ZNF804A: variants seen among roughly 807,000 people sequenced by gnomAD.
ZNF804A encodes the protein zinc finger protein 804A.
ZNF804A carries 2 observed loss-of-function variants against 16.5 expected under a neutral mutation model. The ratio of observed to expected loss-of-function variants is 0.12; its 90% CI spans 0.05 to 0.38. The LOEUF is 0.38. ZNF804A is among the 10% of genes least tolerant of loss of function. The pLI, the probability that ZNF804A is intolerant of heterozygous loss-of-function variation, is 0.99. For synonymous variants in ZNF804A, 534 were observed against 489.6 expected (o/e 1.09, Z -1.20); for missense variants, 1,473 against 1,390.7 (o/e 1.06, Z -0.94).
At chr2:184,607,631 C>G (rs990618710) in intron 1 of ZNF804A, among the ~76,000 whole-genome samples, 3 of 151,936 alleles carry the variant, frequency 2.0e-5, no homozygotes, top group Non-Finnish European at 4.4e-5. Flanking sequence ...AACTACAATT[C>G]AAGATGAGAT....
At chr2:184,731,638 T>A (rs970108119) in intron 1 of ZNF804A, among the ~76,000 whole-genome samples, 61 of 148,596 alleles carry the variant, frequency 4.1e-4, no homozygotes, top group Middle Eastern at 3.5e-3. Flanking sequence ...GGTACAATCA[T>A]GTCTCACTGC....
chr2:184,906,665 C>G (rs1574265729), intron 2 of ZNF804A, among the ~76,000 whole-genome samples: 1 of 151,996 alleles, frequency 6.6e-6, no homozygotes, highest in Admixed American at 6.6e-5. Context: ...AGATGGCCAT[C>G]AAGATTACCA....
chr2:184,726,180 T>C lies in ZNF804A; in HGVS notation c.111+127110T>C, dbSNP rs572860242. ...AGTGCAATTGCTAGATTGTATGCTA[T>C]GCGTATTTCTAGAGTTTTAAGAATC... On this transcript the variant is annotated intron_variant, in intron 1 of 3. Coordinates refer to ENST00000302277, the MANE Select transcript of ZNF804A (RefSeq NM_194250.2). 2.0e-5 allele frequency among the ~76,000 whole-genome samples: 3 copies of C among 151,792 alleles called. No individual in the cohort carries two copies. The East Asian group carries it at 5.8e-4, about 29-fold the overall frequency.
intron 1 of ZNF804A, among the ~76,000 whole-genome samples, chr2:184,670,353 A>C (rs903496083): frequency 3.3e-5 from 5 of 152,100 alleles, no homozygotes; most frequent in Admixed American, 1.3e-4. Context: ...TCCCTAAAAA[A>C]TAGAGCTTCC....
rs186597730 is a variant in ZNF804A, at chr2:184,768,798, A to C, written c.112-97571A>C. 2.0e-3 allele frequency among the ~76,000 whole-genome samples: 306 copies of C among 152,210 alleles called. 1 individual carries two copies. Among genetic ancestry groups the C allele is most frequent in the African/African-American group, 7.1e-3 (294 of 41,562 alleles). ...CCAAAATAATTAAGTTTATATTTAC[A>C]AATGACTTAGTAACTTTACTGACAT... On this transcript the variant is annotated intron_variant, in intron 1 of 3. Coordinates refer to ENST00000302277, the MANE Select transcript of ZNF804A (RefSeq NM_194250.2).
intron 1 of ZNF804A, among the ~76,000 whole-genome samples, chr2:184,621,860 A>G (rs891360466): frequency 2.0e-5 from 3 of 151,774 alleles, no homozygotes; most frequent in African/African-American, 7.2e-5. Context: ...AAACAAATCC[A>G]GAGATTTGAT....
chr2:184,803,381 C>T (rs1277050461), intron 1 of ZNF804A, among the ~76,000 whole-genome samples: 1 of 152,048 alleles, frequency 6.6e-6, no homozygotes, highest in African/African-American at 2.4e-5. Context: ...CCTTGCCTTC[C>T]TTTATATTCA....
In ZNF804A at chr2:184,937,542, T is replaced by C; in HGVS notation, c.2146T>C (p.Leu716=). ...AATGATACATTCTGGGAAACATAATTTAACATATTCTAGAACTTACTGTTG... is the reference window on the plus strand; with the variant it reads ...AATGATACATTCTGGGAAACATAATCTAACATATTCTAGAACTTACTGTTG... ...ATMIHSGKHN[L]TYSRTYCCWK... The change falls in exon 4 of 4, where the codon TTA becomes CTA. Residue 716 remains leucine, a synonymous_variant. Coordinates refer to ENST00000302277, the MANE Select transcript of ZNF804A (RefSeq NM_194250.2). 1 of 1,612,580 alleles carries C rather than the reference T, an allele frequency of 6.2e-7. No individual in the cohort carries two copies. The highest frequency in any genetic ancestry group is 8.5e-7 in the Non-Finnish European group (1 of 1,179,566).
chr2:184,783,137 A>ATTTTTTTTTTTTTTTTTTTTTTTTT (rs1558960282), intron 1 of ZNF804A, among the ~76,000 whole-genome samples: 1 of 40,458 alleles, frequency 2.5e-5, no homozygotes, highest in African/African-American at 7.1e-5. Flanking sequence ...TAAAAGAGTG[A>ATTTTTTTTTTTTTTTTTTTTTTTTT]GTTTTTTTTT....
intron 1 of ZNF804A, among the ~76,000 whole-genome samples, chr2:184,714,972 A>G (rs955896887): frequency 5.3e-5 from 8 of 152,174 alleles, no homozygotes; most frequent in Admixed American, 2.0e-4. Context: ...ATGAGTCTTC[A>G]AAAAGGTCGG....
At chr2:184,736,992 T>G (rs910415668) in intron 1 of ZNF804A, among the ~76,000 whole-genome samples, 1 of 151,908 alleles carries the variant, frequency 6.6e-6, no homozygotes, top group Non-Finnish European at 1.5e-5. Context: ...TGAGAATAAG[T>G]TTTGTTGTAG....
rs182906571 is a variant in ZNF804A, at chr2:184,794,815, A to G, written c.112-71554A>G. Among the ~76,000 whole-genome samples, 524 of 152,296 alleles carry G rather than the reference A, an allele frequency of 3.4e-3. 4 individuals carry two copies. The highest frequency in any genetic ancestry group is 4.5e-3 in the Non-Finnish European group (307 of 68,006). ...TTAAGGTAAAGGGGTGGAAAAAGAA[A>G]TTCCATTCAAATGGACAACAAAAGT... On this transcript the variant is annotated intron_variant, in intron 1 of 3. Transcript: ENST00000302277.
At chr2:184,791,594 C>A (rs1036460917) in intron 1 of ZNF804A, among the ~76,000 whole-genome samples, 4 of 151,906 alleles carry the variant, frequency 2.6e-5, no homozygotes, top group African/African-American at 9.7e-5. Context: ...CTCCATATAT[C>A]CCCTACTTCC....
At chr2:184,741,319 G>A (rs972849697) in intron 1 of ZNF804A, among the ~76,000 whole-genome samples, 2 of 152,180 alleles carry the variant, frequency 1.3e-5, no homozygotes, top group African/African-American at 4.8e-5. Context: ...AGTACAAGTT[G>A]CAGACAGCAC....
At chr2:184,744,262 A>T (rs1405691992) in intron 1 of ZNF804A, among the ~76,000 whole-genome samples, 2 of 151,856 alleles carry the variant, frequency 1.3e-5, no homozygotes, top group Non-Finnish European at 2.9e-5. Flanking sequence ...AAACCAACAC[A>T]TTGCAATTAT....
chr2:184,936,965 C>A lies in ZNF804A; in HGVS notation c.1569C>A (p.Val523=). 2 of 1,613,878 alleles carry A rather than the reference C, an allele frequency of 1.2e-6. No homozygotes were observed. Among genetic ancestry groups the A allele is most frequent in the South Asian group, 2.2e-5 (2 of 91,038 alleles). ...IGSSKNKCSQ[V]TPLLADDILS... ...GTAGCAAAAATAAATGCAGCCAAGT[C>A]ACTCCTCTTTTGGCTGATGATATTC... Residue 523 remains valine (V), a synonymous_variant, in exon 4 of 4, where the codon GTC becomes GTA. Coordinates refer to ENST00000302277, the MANE Select transcript of ZNF804A (RefSeq NM_194250.2).
rs530902143 is a variant in ZNF804A, at chr2:184,670,303, G to C, written c.111+71233G>C. On this transcript the variant is annotated intron_variant, in intron 1 of 3. Coordinates refer to ENST00000302277, the MANE Select transcript of ZNF804A (RefSeq NM_194250.2). ...AGTACATGGTTTGTATCTTTAATCA[G>C]AGTACCCCAGTTATTATATTTCTAG... 6.3e-4 allele frequency among the ~76,000 whole-genome samples: 96 copies of C among 152,044 alleles called. 1 individual carries two copies. In the South Asian group the frequency reaches 0.013, roughly 20 times the overall value.
In ZNF804A at chr2:184,821,566, A is replaced by T. The variant is rs146392907; in HGVS notation, c.112-44803A>T. Among the ~76,000 whole-genome samples the T allele has an allele frequency of 1.5e-4, 23 of 152,268 alleles. No homozygotes were observed. The East Asian group carries it at 4.2e-3, about 28-fold the overall frequency. On this transcript the variant is annotated intron_variant, in intron 1 of 3. Transcript: ENST00000302277. ...ACAAAAATGAAAATTGAGAAATAGG[A>T]TCTAATTAAACTAAAGAGTTTCTGC...
intron 2 of ZNF804A, among the ~76,000 whole-genome samples, chr2:184,916,333 TA>T (rs1685449155): frequency 6.6e-6 from 1 of 152,170 alleles, no homozygotes; most frequent in East Asian, 1.9e-4. Context: ...TTCTTGTTAT[TA>T]ATCTAAATAT....
Sources: gnomAD v4.1 joint callset for allele counts (sites outside exome capture counted in the v4.1 genomes callset) on GRCh38, gnomAD v4.1.1 for gene constraint, MANE v1.5 for transcripts, NCBI Gene and HGNC (gene_info 2026-07-23, HGNC 2026-07-21) for gene names.